Variants in SOX5 observed in about 807,000 individuals in gnomAD.
The protein encoded by SOX5 is SRY-box transcription factor 5.
A neutral mutation model predicts 92.0 loss-of-function variants in SOX5; 9 were observed. The ratio of observed to expected loss-of-function variants is 0.10; its 90% CI spans 0.06 to 0.17. The LOEUF (loss-of-function observed/expected upper bound fraction) is 0.17, where lower values mean the gene tolerates loss of function less well. Ranked by LOEUF, SOX5 falls within the 10% of genes least tolerant of loss-of-function variation. The probability of loss-of-function intolerance (pLI) is 1.00; values close to 1 mark genes in which losing one functional copy is unlikely to be tolerated. For synonymous variants in SOX5, 344 were observed against 336.3 expected, an observed-to-expected ratio of 1.02 and a Z score of -0.25; for missense variants, 642 against 944.5, an observed-to-expected ratio of 0.68 and a Z score of 4.20.
At chr12:24,177,946 G>T (rs145921196) in intron 4 of SOX5, among the ~76,000 whole-genome samples, 2 of 152,268 alleles carry the variant, frequency 1.3e-5, no homozygotes, top group Non-Finnish European at 2.9e-5. Context: ...TACCAATCCT[G>T]AATAGCTTTG....
chr12:23,868,506 G>C (rs1325728781), intron 2 of SOX5, among the ~76,000 whole-genome samples: 1 of 151,984 alleles, frequency 6.6e-6, no homozygotes, highest in Non-Finnish European at 1.5e-5. Flanking sequence ...ATTCACTTTT[G>C]CTCGTGGTAA....
intron 2 of SOX5, among the ~76,000 whole-genome samples, chr12:24,321,981 C>T (rs1047736523): frequency 1.3e-5 from 2 of 152,110 alleles, no homozygotes; most frequent in African/African-American, 4.8e-5. Flanking sequence ...TTTTCTCCTT[C>T]CCACCAGACT....
At position 24,534,677 on chromosome 12, in the gene SOX5, C is replaced by T. The variant is rs115826732; in HGVS notation, c.-251+27652G>A. ...GGGTATGTTTAACGTGTTCACTGAG[C>T]CAAAAATGCAGAGCTGAGCAAGCTG... is the stretch of plus-strand genomic sequence containing the variant. On this transcript the variant is annotated intron_variant, in intron 1 of 4. Coordinates refer to the SOX5 transcript ENST00000446891. Among the ~76,000 whole-genome samples the T allele has an allele frequency of 3.9e-3, 594 of 152,274 alleles. 5 individuals carry two copies. Among genetic ancestry groups the T allele is most frequent in the African/African-American group, 0.013 (561 of 41,560 alleles).
chr12:24,348,389 T>TATTG (rs1953614566), intron 2 of SOX5, among the ~76,000 whole-genome samples: 1 of 151,568 alleles, frequency 6.6e-6, no homozygotes, highest in Non-Finnish European at 1.5e-5. Flanking sequence ...TTTATTTATT[T>TATTG]ATTTATTTGT....
chr12:23,564,218 T>C (rs1002228500), intron 10 of SOX5, among the ~76,000 whole-genome samples: 3 of 152,194 alleles, frequency 2.0e-5, no homozygotes, highest in African/African-American at 7.2e-5. Context: ...CCAAAACTAA[T>C]TTTTACTTAA....
intron 3 of SOX5, among the ~76,000 whole-genome samples, chr12:24,268,085 G>A (rs1159070202): frequency 6.6e-6 from 1 of 152,180 alleles, no homozygotes; most frequent in East Asian, 1.9e-4. Flanking sequence ...TTTCTACTGA[G>A]ATGGCATTAT....
At chr12:24,557,463 C>T (rs773293312) in intron 1 of SOX5, among the ~76,000 whole-genome samples, 6 of 151,460 alleles carry the variant, frequency 4.0e-5, no homozygotes, top group Admixed American at 3.9e-4. Context: ...GAGGTAGAAC[C>T]CTGTAAGTTC....
chr12:24,355,306 T>G (rs1954692911), intron 2 of SOX5, among the ~76,000 whole-genome samples: 1 of 67,328 alleles, frequency 1.5e-5, no homozygotes, highest in Non-Finnish European at 4.2e-5. Context: ...TTTTTTTTTT[T>G]TTTTTTTTTT....
intron 3 of SOX5, among the ~76,000 whole-genome samples, chr12:23,841,897 T>C (rs1013447799): frequency 2.6e-5 from 4 of 152,116 alleles, no homozygotes; most frequent in African/African-American, 9.7e-5. Context: ...GCATACTGCA[T>C]TATACATTGT....
At chr12:23,672,428 C>A (rs747009745) in intron 6 of SOX5, among the ~76,000 whole-genome samples, 50 of 152,128 alleles carry the variant, frequency 3.3e-4, no homozygotes, top group Non-Finnish European at 2.1e-4. Flanking sequence ...TTCCCCTCTT[C>A]CTCCTCCTCC....
rs947596871 is a variant in SOX5 at position 23,531,572 on chromosome 12, G to A, written c.*2647C>T. The A allele has an allele frequency of 3.9e-5, 6 of 152,092 alleles. No homozygotes were observed. The highest frequency in any genetic ancestry group is 8.8e-5 in the Non-Finnish European group (6 of 68,010). 9.4% of individuals were successfully genotyped at this position (152,092 alleles called of 1,614,324 possible). ...GAGGTGAACCCACATAAATCGGAAG[G>A]AATTTGTTAACAAAGACAGAGAACA... On this transcript the variant is annotated 3_prime_UTR_variant, in exon 15 of 15. Coordinates refer to ENST00000451604, the MANE Select transcript of SOX5 (RefSeq NM_006940.6).
chr12:23,884,092 T>C (rs1257472223), intron 2 of SOX5, among the ~76,000 whole-genome samples: 1 of 152,202 alleles, frequency 6.6e-6, no homozygotes, highest in Non-Finnish European at 1.5e-5. Context: ...TTTAGGCACT[T>C]GTTGAACAAC....
intron 3 of SOX5, among the ~76,000 whole-genome samples, chr12:23,806,447 G>C (rs2095772466): frequency 6.6e-6 from 1 of 151,940 alleles, no homozygotes; most frequent in South Asian, 2.1e-4. Flanking sequence ...TTTAACTCTG[G>C]CATAAATACA....
At chr12:23,564,412 C>T (rs1946723081) in intron 10 of SOX5, among the ~76,000 whole-genome samples, 1 of 152,148 alleles carries the variant, frequency 6.6e-6, no homozygotes, top group African/African-American at 2.4e-5. Context: ...TAAAATGAAT[C>T]TGTAATACGA....
chr12:24,195,915 C>T (rs1956968661), intron 4 of SOX5, among the ~76,000 whole-genome samples: 1 of 152,146 alleles, frequency 6.6e-6, no homozygotes, highest in Non-Finnish European at 1.5e-5. Context: ...AACAGGGTCT[C>T]ATTCTGTTGC....
chr12:24,455,421 T>G (rs925793815), intron 1 of SOX5, among the ~76,000 whole-genome samples: 5 of 152,164 alleles, frequency 3.3e-5, no homozygotes, highest in Admixed American at 6.5e-5. Flanking sequence ...CAAATGAAAC[T>G]CCAAGAGCCA....
At chr12:24,542,782 G>C (rs1251104350) in intron 1 of SOX5, among the ~76,000 whole-genome samples, 2 of 152,202 alleles carry the variant, frequency 1.3e-5, no homozygotes. Context: ...CACTATATTA[G>C]TTGTCACCTT....
At chr12:24,099,839 G>A (rs1225797165) in intron 4 of SOX5, among the ~76,000 whole-genome samples, 1 of 152,018 alleles carries the variant, frequency 6.6e-6, no homozygotes, top group African/African-American at 2.4e-5. Flanking sequence ...GGTGCTGATG[G>A]GATACTCCCC....
At chr12:23,642,220 G>A (rs1291507760) in intron 7 of SOX5, among the ~76,000 whole-genome samples, 1 of 152,112 alleles carries the variant, frequency 6.6e-6, no homozygotes, top group Non-Finnish European at 1.5e-5. Context: ...TTATTCTAAA[G>A]AGAGTCTCCC....
Sources: gnomAD v4.1 joint callset for allele counts (sites outside exome capture counted in the v4.1 genomes callset) on GRCh38, gnomAD v4.1.1 for gene constraint, MANE v1.5 for transcripts, NCBI Gene and HGNC (gene_info 2026-07-23, HGNC 2026-07-21) for gene names.